RABGAP1L: variants seen among roughly 807,000 people sequenced by gnomAD.
The protein encoded by RABGAP1L is rab GTPase-activating protein 1-like.
In RABGAP1L, 63 loss-of-function variants were observed where a neutral mutation model predicts 137.7. That is an observed-to-expected ratio of 0.46 (90% CI 0.37 to 0.56). The LOEUF (loss-of-function observed/expected upper bound fraction) is 0.56. Ranked by LOEUF, RABGAP1L falls within the 20% of genes least tolerant of loss-of-function variation. RABGAP1L has a pLI of 0.00. For synonymous variants in RABGAP1L, 431 were observed against 433.7 expected, an observed-to-expected ratio of 0.99 and a Z score of 0.08; for missense variants, 1,095 against 1,244.0, an observed-to-expected ratio of 0.88 and a Z score of 1.80.
At chr1:174,703,731 CCTCA>C (rs1280588482) in intron 17 of RABGAP1L, among the ~76,000 whole-genome samples, 2 of 152,160 alleles carry the variant, frequency 1.3e-5, no homozygotes, top group Non-Finnish European at 1.5e-5. Flanking sequence ...TTCTCTACAT[CCTCA>C]CTAACATCTG....
intron 14 of RABGAP1L, among the ~76,000 whole-genome samples, chr1:174,650,749 C>T (rs779872255): frequency 6.7e-4 from 100 of 149,542 alleles, no homozygotes; most frequent in East Asian, 4.7e-3. Flanking sequence ...GTCTTGCTAG[C>T]GGTCTATCAA....
intron 17 of RABGAP1L, among the ~76,000 whole-genome samples, chr1:174,722,143 G>A (rs557289176): frequency 3.3e-5 from 5 of 152,146 alleles, no homozygotes; most frequent in Non-Finnish European, 5.9e-5. Flanking sequence ...TGTTGGCCAG[G>A]ATGGTCCCCA....
Position 174,774,688 on chromosome 1 carries a change from T to C in RABGAP1L, c.2211+22334T>C, listed in dbSNP as rs148496865. 8.8e-3 allele frequency among the ~76,000 whole-genome samples: 1,333 copies of C among 152,172 alleles called. 6 individuals carry two copies. Among genetic ancestry groups the C allele is most frequent in the Non-Finnish European group, 0.014 (969 of 68,002 alleles). On this transcript the variant is annotated intron_variant, in intron 18 of 25. Transcript: ENST00000681986. ...TGAGTCTAGGAGTTTGAGAGAAGCCTGGGCAACATAGAGAGACCTCATCTC... is the reference window on the plus strand; with the variant it reads ...TGAGTCTAGGAGTTTGAGAGAAGCCCGGGCAACATAGAGAGACCTCATCTC...
intron 19 of RABGAP1L, chr1:174,850,119 C>T: frequency 2.0e-6 from 1 of 490,576 alleles, no homozygotes; most frequent in South Asian, 1.6e-5. Context: ...CCATTCCTCT[C>T]AGTTCTCTAG....
chr1:174,521,229 G>A (rs1046406277), intron 13 of RABGAP1L, among the ~76,000 whole-genome samples: 3 of 152,158 alleles, frequency 2.0e-5, no homozygotes, highest in African/African-American at 7.2e-5. Flanking sequence ...TTGGAATGTA[G>A]CAGATTATTT....
At chr1:174,249,187 A>G (rs1202542001) in intron 5 of RABGAP1L, among the ~76,000 whole-genome samples, 1 of 152,214 alleles carries the variant, frequency 6.6e-6, no homozygotes, top group African/African-American at 2.4e-5. Flanking sequence ...GTGGCCTAAT[A>G]CCAATAGAAT....
intron 18 of RABGAP1L, among the ~76,000 whole-genome samples, chr1:174,779,190 C>T (rs1686762416): frequency 6.6e-6 from 1 of 152,126 alleles, no homozygotes; most frequent in Non-Finnish European, 1.5e-5. Context: ...TTCCTAAAAA[C>T]ATCTTTATCT....
chr1:174,406,540 A>G (rs1173259036), intron 13 of RABGAP1L, among the ~76,000 whole-genome samples: 1 of 152,210 alleles, frequency 6.6e-6, no homozygotes, highest in Non-Finnish European at 1.5e-5. Context: ...TAGTCAAATA[A>G]CAATACTAGA....
At chr1:174,903,105 C>T (rs183166563) in intron 19 of RABGAP1L, among the ~76,000 whole-genome samples, 3 of 152,308 alleles carry the variant, frequency 2.0e-5, no homozygotes, top group Non-Finnish European at 2.9e-5. Context: ...AATAAATAAT[C>T]CTGTATATTA....
chr1:174,686,884 C>T (rs1156709991), intron 15 of RABGAP1L, among the ~76,000 whole-genome samples: 1 of 151,822 alleles, frequency 6.6e-6, no homozygotes, highest in Non-Finnish European at 1.5e-5. Flanking sequence ...TGGTCTTGAT[C>T]TCCTGACCTG....
At chr1:174,531,324 T>A (rs761765194) in intron 13 of RABGAP1L, among the ~76,000 whole-genome samples, 62 of 152,168 alleles carry the variant, frequency 4.1e-4, no homozygotes, top group Non-Finnish European at 7.1e-4. Context: ...TGCTATATAC[T>A]TAAGTTTTGC....
At chr1:174,923,529 A>G (rs1422429992) in intron 19 of RABGAP1L, among the ~76,000 whole-genome samples, 1 of 152,226 alleles carries the variant, frequency 6.6e-6, no homozygotes, top group Admixed American at 6.5e-5. Context: ...AGTGACACAT[A>G]GCCAAATTAT....
chr1:174,741,722 T>C (rs563130699), intron 17 of RABGAP1L, among the ~76,000 whole-genome samples: 1 of 152,034 alleles, frequency 6.6e-6, no homozygotes, highest in African/African-American at 2.4e-5. Context: ...TGTGTCTTTA[T>C]TTCTGAGTTC....
At chr1:174,950,993 A>T (rs1401151051) in intron 19 of RABGAP1L, among the ~76,000 whole-genome samples, 1 of 152,200 alleles carries the variant, frequency 6.6e-6, no homozygotes, top group African/African-American at 2.4e-5. Flanking sequence ...CTTACAAGTG[A>T]CTGGCCCAAT....
chr1:174,877,293 G>A, intron 19 of RABGAP1L: 1 of 899,346 alleles, frequency 1.1e-6, no homozygotes. Context: ...GTTTCCTACT[G>A]GGGGTGAATT....
chr1:174,893,967 T>A (rs1352193781), intron 19 of RABGAP1L, among the ~76,000 whole-genome samples: 1 of 152,202 alleles, frequency 6.6e-6, no homozygotes, highest in Non-Finnish European at 1.5e-5. Context: ...AAAACCTTTT[T>A]TCCTCTGTAA....
chr1:174,598,030 A>T (rs1435038550), intron 13 of RABGAP1L, among the ~76,000 whole-genome samples: 1 of 152,122 alleles, frequency 6.6e-6, no homozygotes, highest in African/African-American at 2.4e-5. Flanking sequence ...ATATGATTTC[A>T]GGTTTTAAAA....
chr1:174,692,777 A>T (rs1289900083), intron 15 of RABGAP1L, among the ~76,000 whole-genome samples: 2 of 152,138 alleles, frequency 1.3e-5, no homozygotes, highest in Non-Finnish European at 2.9e-5. Context: ...AAGATAAGAG[A>T]AATTTACATT....
At chr1:174,949,860 G>T (rs1667452984) in intron 19 of RABGAP1L, among the ~76,000 whole-genome samples, 1 of 152,196 alleles carries the variant, frequency 6.6e-6, no homozygotes, top group African/African-American at 2.4e-5. Flanking sequence ...TCTATAAAAT[G>T]CAAGTCTCCC....
Sources: allele counts gnomAD v4.1 joint callset (sites outside exome capture counted in the v4.1 genomes callset), GRCh38; gene constraint gnomAD v4.1.1; transcripts MANE v1.5; gene names NCBI Gene and HGNC (gene_info 2026-07-23, HGNC 2026-07-21).